The following GADL1 variants were observed in gnomAD, a reference collection of about 807,000 sequenced individuals.
GADL1 encodes acidic amino acid decarboxylase GADL1.
GADL1 carries 71 observed loss-of-function variants against 69.5 expected under a neutral mutation model. The ratio of observed to expected loss-of-function variants is 1.02; its 90% CI spans 0.84 to 1.25. GADL1 has a LOEUF of 1.25. Among genes scored for constraint, GADL1 ranks in the 50% most tolerant of loss-of-function variants. The pLI is 0.00. For synonymous variants in GADL1, 254 were observed against 214.4 expected (o/e 1.18, Z -1.62); for missense variants, 737 against 631.8 (o/e 1.17, Z -1.79).
At chr3:30,793,291 T>C (rs1236821188) in intron 12 of GADL1, among the ~76,000 whole-genome samples, 1 of 152,202 alleles carries the variant, frequency 6.6e-6, no homozygotes, top group African/African-American at 2.4e-5. Context: ...AGCCAAAATG[T>C]TTTAAGTCAC....
At chr3:30,739,183 G>A (rs917984612) in intron 14 of GADL1, among the ~76,000 whole-genome samples, 2 of 152,150 alleles carry the variant, frequency 1.3e-5, no homozygotes, top group Non-Finnish European at 2.9e-5. Context: ...AGATGCAGGG[G>A]CCTGACAAGG....
intron 11 of GADL1, among the ~76,000 whole-genome samples, chr3:30,804,098 G>T (rs919592454): frequency 6.6e-5 from 10 of 152,156 alleles, no homozygotes; most frequent in Non-Finnish European, 1.2e-4. Context: ...GGCAAATGAG[G>T]TTTAAGCAAA....
chr3:30,764,795 T>G (rs1559492585), intron 14 of GADL1, among the ~76,000 whole-genome samples: 1 of 152,198 alleles, frequency 6.6e-6, no homozygotes, highest in Non-Finnish European at 1.5e-5. Flanking sequence ...CAGGTTGTAC[T>G]GACAATCTCC....
chr3:30,787,578 T>C (rs1696824431), intron 12 of GADL1, among the ~76,000 whole-genome samples: 1 of 152,180 alleles, frequency 6.6e-6, no homozygotes, highest in African/African-American at 2.4e-5. Flanking sequence ...TTTATTGTGA[T>C]TTTTATATAT....
intron 1 of GADL1, among the ~76,000 whole-genome samples, chr3:30,886,213 A>G (rs2125546630): frequency 6.6e-6 from 1 of 152,280 alleles, no homozygotes; most frequent in South Asian, 2.1e-4. Context: ...TGATCGCCTA[A>G]TAAGAAGCCC....
intron 1 of GADL1, among the ~76,000 whole-genome samples, chr3:30,892,388 A>T (rs1698798067): frequency 1.3e-5 from 2 of 152,212 alleles, no homozygotes; most frequent in Admixed American, 1.3e-4. Flanking sequence ...TCTGACAGAT[A>T]GTTGTCTTGT....
intron 6 of GADL1, among the ~76,000 whole-genome samples, chr3:30,845,319 A>T (rs1002883492): frequency 2.0e-5 from 3 of 152,152 alleles, no homozygotes; most frequent in Non-Finnish European, 1.5e-5. Flanking sequence ...CAAACATTGG[A>T]TATGTCGCTC....
chr3:30,886,909 T>C (rs1454644059), intron 1 of GADL1, among the ~76,000 whole-genome samples: 2 of 152,210 alleles, frequency 1.3e-5, no homozygotes, highest in Non-Finnish European at 2.9e-5. Flanking sequence ...TACTTAATAA[T>C]GATAATCATA....
At chr3:30,832,626 C>A (rs1697810467) in intron 11 of GADL1, among the ~76,000 whole-genome samples, 1 of 151,886 alleles carries the variant, frequency 6.6e-6, no homozygotes, top group Non-Finnish European at 1.5e-5. Context: ...CATTTTTGTT[C>A]TTATACCTAG....
intron 4 of GADL1, among the ~76,000 whole-genome samples, chr3:30,851,300 G>A (rs1698143463): frequency 6.6e-6 from 1 of 152,076 alleles, no homozygotes; most frequent in Admixed American, 6.6e-5. Context: ...TGCTGTTGAT[G>A]GTCAAAGAAA....
chr3:30,825,691 G>A (rs1349577440), intron 11 of GADL1, among the ~76,000 whole-genome samples: 1 of 151,654 alleles, frequency 6.6e-6, no homozygotes, highest in Non-Finnish European at 1.5e-5. Context: ...AACGCTGCAG[G>A]TTCTCACTAA....
chr3:30,818,092 CT>C (rs1697505675), intron 11 of GADL1, among the ~76,000 whole-genome samples: 3 of 152,116 alleles, frequency 2.0e-5, no homozygotes, highest in Admixed American at 2.0e-4. Flanking sequence ...ACAATGACCC[CT>C]TACTTCCCCT....
chr3:30,816,948 A>G (rs190404431), intron 11 of GADL1, among the ~76,000 whole-genome samples: 1 of 152,192 alleles, frequency 6.6e-6, no homozygotes, highest in Non-Finnish European at 1.5e-5. Flanking sequence ...CCCATATCCA[A>G]TCACTTATAT....
intron 14 of GADL1, among the ~76,000 whole-genome samples, chr3:30,737,134 AT>A (rs1282691737): frequency 6.6e-6 from 1 of 152,134 alleles, no homozygotes; most frequent in Admixed American, 6.6e-5. Context: ...CTGAATTTGA[AT>A]TTCAGTCGAA....
At chr3:30,804,198 T>C (rs1203101215) in intron 11 of GADL1, among the ~76,000 whole-genome samples, 2 of 152,172 alleles carry the variant, frequency 1.3e-5, no homozygotes, top group Non-Finnish European at 2.9e-5. Context: ...CTAAGTAATA[T>C]CCATCATCAG....
intron 14 of GADL1, among the ~76,000 whole-genome samples, chr3:30,746,827 C>T (rs1019357276): frequency 6.6e-6 from 1 of 152,136 alleles, no homozygotes; most frequent in African/African-American, 2.4e-5. Context: ...TCTATCATAT[C>T]TACAAAATTA....
chr3:30,752,248 T>C (rs1043628632), intron 14 of GADL1, among the ~76,000 whole-genome samples: 1 of 152,154 alleles, frequency 6.6e-6, no homozygotes, highest in African/African-American at 2.4e-5. Flanking sequence ...GGAGGCTAGA[T>C]CCACAAACCG....
At position 30,840,506 on chromosome 3, in the gene GADL1, A is replaced by G. The variant is rs1016515544; in HGVS notation, c.787-1393T>C. Among the ~76,000 whole-genome samples, 3 of 152,326 alleles carry G rather than the reference A, an allele frequency of 2.0e-5. No homozygotes were observed. In the East Asian group the frequency reaches 5.8e-4, roughly 29 times the overall value. On this transcript the variant is annotated intron_variant, in intron 8 of 14. Transcript: ENST00000282538. ...CTTCCCTGTATTCAAACTACTGACA[A>G]CTATGGCTTTATCATACCAGTGACC...
At chr3:30,762,329 T>G (rs1031742389) in intron 14 of GADL1, among the ~76,000 whole-genome samples, 12 of 152,316 alleles carry the variant, frequency 7.9e-5, no homozygotes. Context: ...TACCTGGTAG[T>G]TCAATATATA....
Sources: gnomAD v4.1 joint callset for allele counts (sites outside exome capture counted in the v4.1 genomes callset) on GRCh38, gnomAD v4.1.1 for gene constraint, MANE v1.5 for transcripts, NCBI Gene and HGNC (gene_info 2026-07-23, HGNC 2026-07-21) for gene names.